Variants in DOCK1 observed in about 807,000 individuals in gnomAD.
The protein encoded by DOCK1 is dedicator of cytokinesis 1.
Under a neutral mutation model 262.7 loss-of-function variants are expected in DOCK1, and 138 were observed. The observed-to-expected ratio is 0.53, with a 90% confidence interval of 0.46 to 0.61. The LOEUF is 0.61. DOCK1 is among the 20% of genes least tolerant of loss of function. DOCK1 has a pLI of 0.00. For missense variants in DOCK1, 1,908 were observed against 2,370.7 expected (o/e 0.80, Z 4.05); for synonymous variants, 866 against 867.4 (o/e 1.00, Z 0.03).
At chr10:127,174,174 C>G (rs2054846092) in intron 27 of DOCK1, among the ~76,000 whole-genome samples, 1 of 152,236 alleles carries the variant, frequency 6.6e-6, no homozygotes, top group South Asian at 2.1e-4. Flanking sequence ...AGGCTGGCTT[C>G]TAGCTTGCTA....
At chr10:127,001,388 C>G (rs903410491) in intron 10 of DOCK1, 5 of 152,170 alleles carry the variant, frequency 3.3e-5, no homozygotes, top group African/African-American at 1.2e-4. Flanking sequence ...CCTTCCTTCC[C>G]CCTGCCTCCC....
intron 29 of DOCK1, among the ~76,000 whole-genome samples, chr10:127,279,150 A>G (rs1018779459): frequency 7.9e-5 from 12 of 152,392 alleles, no homozygotes; most frequent in African/African-American, 2.9e-4. Context: ...AATAGCATTC[A>G]TGGTGCCTTA....
At chr10:127,229,422 A>G (rs1430372196) in intron 27 of DOCK1, among the ~76,000 whole-genome samples, 1 of 152,102 alleles carries the variant, frequency 6.6e-6, no homozygotes, top group Non-Finnish European at 1.5e-5. Context: ...GGTAACCACA[A>G]TTCTACTTTC....
intron 28 of DOCK1, among the ~76,000 whole-genome samples, chr10:127,256,574 C>T (rs2059831878): frequency 6.6e-6 from 1 of 152,124 alleles, no homozygotes; most frequent in East Asian, 1.9e-4. Flanking sequence ...ACCTGTCAAG[C>T]TCTGGAAAGT....
intron 6 of DOCK1, among the ~76,000 whole-genome samples, chr10:126,993,281 G>C (rs2083063433): frequency 6.6e-6 from 1 of 152,194 alleles, no homozygotes; most frequent in South Asian, 2.1e-4. Flanking sequence ...CTCCTAAGCT[G>C]GTTCTTTGTA....
chr10:127,027,921 G>C (rs1452285054), intron 16 of DOCK1, among the ~76,000 whole-genome samples: 1 of 152,030 alleles, frequency 6.6e-6, no homozygotes, highest in Non-Finnish European at 1.5e-5. Flanking sequence ...GGAGAGGCCT[G>C]GTGTGTGGTC....
chr10:127,113,093 T>C (rs1448799794), intron 25 of DOCK1, among the ~76,000 whole-genome samples: 2 of 152,170 alleles, frequency 1.3e-5, no homozygotes, highest in Non-Finnish European at 2.9e-5. Context: ...AGCCAAACTG[T>C]TTTCTGATGA....
chr10:126,906,827 C>T lies in DOCK1; in HGVS notation c.46+1264C>T, dbSNP rs139083735. Among the ~76,000 whole-genome samples, 101 of 152,312 alleles carry T rather than the reference C, an allele frequency of 6.6e-4. No individual in the cohort carries two copies. In the East Asian group the frequency reaches 0.014, roughly 21 times the overall value. On this transcript the variant is annotated intron_variant, in intron 1 of 51. Transcript: ENST00000623213. ...AATGACTTACAGTATGCCCTGACCA[C>T]GGAGCCAGCTGGACAGTGGTCACGG...
At chr10:126,967,710 T>C (rs912187335) in intron 1 of DOCK1, among the ~76,000 whole-genome samples, 4 of 152,196 alleles carry the variant, frequency 2.6e-5, no homozygotes, top group Non-Finnish European at 5.9e-5. Flanking sequence ...TGACCTCCTC[T>C]GCTTCTGACT....
intron 51 of DOCK1, among the ~76,000 whole-genome samples, chr10:127,450,357 A>G (rs534730448): frequency 5.2e-4 from 79 of 152,026 alleles, no homozygotes; most frequent in Middle Eastern, 6.8e-3. Context: ...ATAAAAATCC[A>G]CTCTTACCCT....
intron 29 of DOCK1, among the ~76,000 whole-genome samples, chr10:127,267,623 G>A (rs2060409569): frequency 6.6e-6 from 1 of 152,196 alleles, no homozygotes; most frequent in African/African-American, 2.4e-5. Flanking sequence ...GAGATCACGC[G>A]CACCTCGTCG....
At position 126,929,264 on chromosome 10, in the gene DOCK1, C is replaced by T. The variant is rs1026787418; in HGVS notation, c.46+23701C>T. ...GCTGGTTGTAATTTTTGGAATTTAC[C>T]TCACCCTCTATGCTTTGGTGTGCTC... On this transcript the variant is annotated intron_variant, in intron 1 of 51. Coordinates refer to ENST00000623213, the MANE Select transcript of DOCK1 (RefSeq NM_001290223.2). Among the ~76,000 whole-genome samples, 12 of 152,164 alleles carry T rather than the reference C, an allele frequency of 7.9e-5. 1 individual carries two copies. Among genetic ancestry groups the T allele is most frequent in the African/African-American group, 2.9e-4 (12 of 41,434 alleles).
chr10:126,935,072 C>T (rs1025258023), intron 1 of DOCK1, among the ~76,000 whole-genome samples: 12 of 152,164 alleles, frequency 7.9e-5, no homozygotes, highest in Non-Finnish European at 1.3e-4. Flanking sequence ...CACGCCACTG[C>T]ACTCCAGCCT....
intron 40 of DOCK1, among the ~76,000 whole-genome samples, chr10:127,406,551 G>A (rs11017906): frequency 0.2 from 29,895 of 152,104 alleles, 3,001 homozygotes; most frequent in East Asian, 0.25. Flanking sequence ...TTACCAAAAC[G>A]TGGGCAGAAT....
chr10:126,953,826 T>G (rs994726459), intron 1 of DOCK1, among the ~76,000 whole-genome samples: 5 of 151,968 alleles, frequency 3.3e-5, no homozygotes, highest in Non-Finnish European at 7.4e-5. Flanking sequence ...GGTGGAGCAT[T>G]GGGGAACTGC....
At chr10:127,394,287 T>G (rs143206673) in intron 38 of DOCK1, among the ~76,000 whole-genome samples, 2,633 of 151,736 alleles carry the variant, frequency 0.017, 35 homozygotes, top group Non-Finnish European at 0.026. Flanking sequence ...CAGCTGGAGC[T>G]CTGTTGTATT....
chr10:127,350,575 T>A (rs2063836556), intron 31 of DOCK1, among the ~76,000 whole-genome samples: 1 of 152,224 alleles, frequency 6.6e-6, no homozygotes, highest in South Asian at 2.1e-4. Flanking sequence ...TATAAAGCCA[T>A]GATCCTGGCT....
At chr10:127,294,380 G>A (rs1169560778) in intron 29 of DOCK1, among the ~76,000 whole-genome samples, 4 of 151,936 alleles carry the variant, frequency 2.6e-5, no homozygotes, top group Non-Finnish European at 4.4e-5. Context: ...GGAGTGCAAT[G>A]GTACCATCTT....
chr10:126,918,890 C>G (rs977031820), intron 1 of DOCK1, among the ~76,000 whole-genome samples: 2 of 105,282 alleles, frequency 1.9e-5, no homozygotes, highest in East Asian at 4.3e-4. Context: ...CAGGTGGGCA[C>G]GGAGGATTCG....
Sources: gnomAD v4.1 joint callset for allele counts (sites outside exome capture counted in the v4.1 genomes callset) on GRCh38, gnomAD v4.1.1 for gene constraint, MANE v1.5 for transcripts, NCBI Gene and HGNC (gene_info 2026-07-23, HGNC 2026-07-21) for gene names.